The following EPS15 variants were observed in gnomAD, a reference collection of about 807,000 sequenced individuals.
The protein encoded by EPS15 is epidermal growth factor receptor pathway substrate 15.
EPS15 carries 72 observed loss-of-function variants against 113.8 expected under a neutral mutation model. The ratio of observed to expected loss-of-function variants is 0.63; its 90% CI spans 0.52 to 0.77. The LOEUF (loss-of-function observed/expected upper bound fraction) is 0.77, where lower values mean the gene tolerates loss of function less well. Ranked by LOEUF, EPS15 falls within the 30% of genes least tolerant of loss-of-function variation. The pLI, the probability that EPS15 is intolerant of heterozygous loss-of-function variation, is 0.00. For missense variants in EPS15, 1,048 were observed against 1,045.8 expected (o/e 1.00, Z -0.03); for synonymous variants, 344 against 363.4 (o/e 0.95, Z 0.61).
chr1:51,407,009 G>A (rs1649195592), intron 15 of EPS15, among the ~76,000 whole-genome samples: 1 of 152,172 alleles, frequency 6.6e-6, no homozygotes, highest in Non-Finnish European at 1.5e-5. Flanking sequence ...AAGCGCAAAA[G>A]TGAAGGACTT....
rs996454788 is a variant in EPS15 at position 51,395,804 on chromosome 1, A to C, written c.2053-1357T>G. On this transcript the variant is annotated intron_variant, in intron 20 of 24. Transcript: ENST00000371733. ...GATGAAAGACTTGGCAAACAGGTAA[A>C]AAGAGTGTGAAAAGAGTTTCTGAAC... Among the ~76,000 whole-genome samples, 5 of 152,252 alleles carry C rather than the reference A, an allele frequency of 3.3e-5. No individual in the cohort carries two copies. The East Asian group carries it at 5.8e-4, about 18-fold the overall frequency.
chr1:51,355,219 C>T lies in EPS15; in HGVS notation c.*1481G>A. ...TGTAATGGAAAGAAAACAAAACAAG[C>T]ACCATTTCAAGAAGAAATGAATTGG... On this transcript the variant is annotated 3_prime_UTR_variant, in exon 25 of 25. Coordinates refer to ENST00000371733, the MANE Select transcript of EPS15 (RefSeq NM_001981.3). 4.5e-6 allele frequency: 1 copy of T among 220,036 alleles called. No homozygotes were observed. Among genetic ancestry groups the T allele is most frequent in the Non-Finnish European group, 9.1e-6 (1 of 109,522 alleles). 13.6% of individuals were successfully genotyped at this position (220,036 alleles called of 1,614,324 possible).
chr1:51,445,073 T>C (rs1275888086), intron 10 of EPS15, 28 bp from the exon 11 acceptor site: 2 of 1,588,126 alleles, frequency 1.3e-6, no homozygotes, highest in Non-Finnish European at 8.6e-7. Flanking sequence ...ATGAATGGTA[T>C]GTAAGTGCCA....
chr1:51,519,123 G>T, intron 1 of EPS15, 76 bp downstream of exon 1: 2 of 1,047,174 alleles, frequency 1.9e-6, no homozygotes, highest in Non-Finnish European at 2.7e-6. Flanking sequence ...CACAAGCCAA[G>T]AAGTCGGCGA....
In EPS15 at chr1:51,470,612, A is replaced by C. The variant is rs1655165483; in HGVS notation, c.213+1078T>G. ...CAGTGAGCCAAGATCACGCCACTGTACTCCAGCCTGGGTAACAGATCAGGG... is the reference window on the plus strand; with the variant it reads ...CAGTGAGCCAAGATCACGCCACTGTCCTCCAGCCTGGGTAACAGATCAGGG... On this transcript the variant is annotated intron_variant, in intron 4 of 24. Coordinates refer to ENST00000371733, the MANE Select transcript of EPS15 (RefSeq NM_001981.3). Among the ~76,000 whole-genome samples, 8 of 141,132 alleles carry C rather than the reference A, an allele frequency of 5.7e-5. No homozygotes were observed. In the South Asian group the frequency reaches 1.8e-3, roughly 32 times the overall value. 92.6% of individuals were successfully genotyped at this position (141,132 alleles called of 152,430 possible).
chr1:51,416,758 A>G (rs2148442820), intron 13 of EPS15, among the ~76,000 whole-genome samples: 1 of 151,902 alleles, frequency 6.6e-6, no homozygotes, highest in East Asian at 1.9e-4. Flanking sequence ...GAAAAGTTAA[A>G]CCTTTTAACT....
At chr1:51,459,892 T>C (rs1182324020) in intron 8 of EPS15, among the ~76,000 whole-genome samples, 2 of 152,084 alleles carry the variant, frequency 1.3e-5, no homozygotes, top group African/African-American at 4.8e-5. Flanking sequence ...ATGATTTCAA[T>C]ATTAAAGATA....
chr1:51,361,440 G>A (rs948736228), intron 23 of EPS15, 85 bp from the exon 24 acceptor site: 26 of 1,002,288 alleles, frequency 2.6e-5, no homozygotes, highest in Non-Finnish European at 3.3e-5. Flanking sequence ...TAGCATTAAA[G>A]TACTGTGGGT....
intron 8 of EPS15, among the ~76,000 whole-genome samples, chr1:51,459,637 T>C (rs1485896170): frequency 6.6e-6 from 1 of 152,134 alleles, no homozygotes; most frequent in African/African-American, 2.4e-5. Flanking sequence ...AAGAAAGCCT[T>C]AACTAATTTT....
At chr1:51,466,474 T>G (rs974275140) in intron 5 of EPS15, among the ~76,000 whole-genome samples, 1 of 151,300 alleles carries the variant, frequency 6.6e-6, no homozygotes, top group African/African-American at 2.4e-5. Flanking sequence ...AAAAAAAAAT[T>G]TAGCCGGGTG....
chr1:51,443,862 G>A (rs1387322483), intron 11 of EPS15, among the ~76,000 whole-genome samples: 2 of 151,824 alleles, frequency 1.3e-5, no homozygotes, highest in South Asian at 2.1e-4. Flanking sequence ...TTGCTATGTT[G>A]CCCAGGAACT....
chr1:51,501,930 T>G (rs1190827153), intron 1 of EPS15, among the ~76,000 whole-genome samples: 1 of 152,112 alleles, frequency 6.6e-6, no homozygotes, highest in Non-Finnish European at 1.5e-5. Flanking sequence ...AGGACCACCC[T>G]CAAGAACCCC....
intron 21 of EPS15, among the ~76,000 whole-genome samples, chr1:51,392,697 T>C (rs1647505971): frequency 6.6e-6 from 1 of 152,242 alleles, no homozygotes; most frequent in Non-Finnish European, 1.5e-5. Context: ...CATATTTACC[T>C]GCTAAAATAC....
Position 51,447,093 on chromosome 1 carries a change from G to A in EPS15, c.664C>T (p.Pro222Ser). 1 of 1,609,952 alleles carries A rather than the reference G, an allele frequency of 6.2e-7. No individual in the cohort carries two copies. The part of the protein sequence containing the change: ...PSKRKTWVVS[P>S]AEKAKYDEIF... ...TCATCATATTTAGCTTTTTCTGCAG[G>A]GGATACAACCCACTACAGGGAGGAA... is the stretch of plus-strand genomic sequence containing the variant. The change falls in exon 10 of 25, where the codon CCT becomes TCT. Residue 222 changes from proline to serine, a missense_variant. By Grantham distance (74) the Pro-to-Ser change is moderately conservative. Coordinates refer to ENST00000371733, the MANE Select transcript of EPS15 (RefSeq NM_001981.3).
intron 18 of EPS15, 173 bp from the exon 19 acceptor site, chr1:51,401,126 A>C: frequency 2.1e-6 from 1 of 469,274 alleles, no homozygotes; most frequent in Non-Finnish European, 3.8e-6. Context: ...AGCCAACTAT[A>C]CTTACCTTGA....
chr1:51,513,552 G>A (rs1467378846), intron 1 of EPS15, among the ~76,000 whole-genome samples: 3 of 152,188 alleles, frequency 2.0e-5, no homozygotes, highest in Admixed American at 6.5e-5. Context: ...AAGAATGGCT[G>A]CCTCTGGGAA....
At chr1:51,489,573 A>C (rs1382987307) in intron 1 of EPS15, among the ~76,000 whole-genome samples, 1 of 151,860 alleles carries the variant, frequency 6.6e-6, no homozygotes, top group South Asian at 2.1e-4. Context: ...ACAGCATCTT[A>C]AGGTGTTTAG....
At position 51,432,350 on chromosome 1, in the gene EPS15, A is replaced by ATG. The variant is rs1557463902; in HGVS notation, c.1040+7996_1040+7997insCA. Among the ~76,000 whole-genome samples the ATG allele has an allele frequency of 1.1e-4, 15 of 130,970 alleles. No individual in the cohort carries two copies. In the East Asian group the frequency reaches 2.0e-3, roughly 17 times the overall value. 85.9% of individuals were successfully genotyped at this position (130,970 alleles called of 152,430 possible). A position where few individuals can be genotyped will look rare whatever the true frequency, so the allele number is the denominator to read the frequency against. ...TGTATGTATGTATGTATGTATGTAT[A>ATG]TATTTAATAGAGACTTGCTTTGTTG... On this transcript the variant is annotated intron_variant, in intron 12 of 24. Coordinates refer to ENST00000371733, the MANE Select transcript of EPS15 (RefSeq NM_001981.3).
intron 21 of EPS15, among the ~76,000 whole-genome samples, chr1:51,391,954 G>A (rs908613274): frequency 2.0e-5 from 3 of 152,164 alleles, no homozygotes; most frequent in African/African-American, 7.2e-5. Context: ...CTGGAAAAAT[G>A]AGCCTGGGGT....
Sources: allele counts gnomAD v4.1 joint callset (sites outside exome capture counted in the v4.1 genomes callset), GRCh38; gene constraint gnomAD v4.1.1; transcripts MANE v1.5; gene names NCBI Gene and HGNC (gene_info 2026-07-23, HGNC 2026-07-21).